Variants in ITGA9 observed in about 807,000 individuals in gnomAD.
The protein encoded by ITGA9 is integrin subunit alpha 9, also known as integrin alpha-9.
In ITGA9, 56 loss-of-function variants were observed where a neutral mutation model predicts 127.8. The observed-to-expected ratio is 0.44, with a 90% CI of 0.35 to 0.55. ITGA9 has a LOEUF of 0.55. Among genes scored for constraint, ITGA9 ranks in the 20% least tolerant of loss-of-function variants. The probability of loss-of-function intolerance (pLI) is 0.00; values close to 1 mark genes in which losing one functional copy is unlikely to be tolerated. For missense variants in ITGA9, 1,196 were observed against 1,347.1 expected (o/e 0.89, Z 1.76); for synonymous variants, 508 against 514.5 (o/e 0.99, Z 0.17).
chr3:37,671,759 A>G (rs1700639071), intron 17 of ITGA9, among the ~76,000 whole-genome samples: 1 of 152,178 alleles, frequency 6.6e-6, no homozygotes, highest in Non-Finnish European at 1.5e-5. Flanking sequence ...TCTGGAGTTA[A>G]TAACCATATG....
chr3:37,722,368 G>C (rs187652902), intron 18 of ITGA9, among the ~76,000 whole-genome samples: 33 of 152,300 alleles, frequency 2.2e-4, no homozygotes, highest in Admixed American at 1.2e-3. Flanking sequence ...CAGTGGGTTT[G>C]AGTATATTTT....
At chr3:37,566,535 G>T (rs1028228504) in intron 15 of ITGA9, among the ~76,000 whole-genome samples, 3 of 152,202 alleles carry the variant, frequency 2.0e-5, no homozygotes, top group Admixed American at 6.5e-5. Context: ...TTTTAAAAGA[G>T]TGCTCAACTC....
At chr3:37,765,311 A>G (rs1315580335) in intron 23 of ITGA9, among the ~76,000 whole-genome samples, 1 of 152,154 alleles carries the variant, frequency 6.6e-6, no homozygotes, top group East Asian at 1.9e-4. Context: ...TTTTGAAATA[A>G]GAGATTGAAT....
intron 1 of ITGA9, among the ~76,000 whole-genome samples, chr3:37,457,160 T>C (rs1698269139): frequency 6.6e-6 from 1 of 152,228 alleles, no homozygotes; most frequent in Non-Finnish European, 1.5e-5. Flanking sequence ...CTAAAAATTA[T>C]TGCCTGCTGA....
intron 15 of ITGA9, among the ~76,000 whole-genome samples, chr3:37,588,417 CT>C (rs1699780752): frequency 1.3e-5 from 2 of 152,094 alleles, no homozygotes; most frequent in African/African-American, 4.8e-5. Context: ...CGTCCACCCC[CT>C]CCCCACAGAG....
At chr3:37,476,333 C>A (rs984601074) in intron 3 of ITGA9, among the ~76,000 whole-genome samples, 2 of 152,126 alleles carry the variant, frequency 1.3e-5, no homozygotes, top group Non-Finnish European at 2.9e-5. Context: ...AATGGCTCCA[C>A]GTCCTTGCCA....
At chr3:37,732,528 C>G (rs993267764) in intron 18 of ITGA9, among the ~76,000 whole-genome samples, 184 bp from the exon 19 acceptor site, 5 of 152,094 alleles carry the variant, frequency 3.3e-5, no homozygotes, top group Admixed American at 3.3e-4. Context: ...ACCTGTCTTC[C>G]CAGGGAACCC....
At chr3:37,615,745 T>C (rs1183762625) in intron 15 of ITGA9, among the ~76,000 whole-genome samples, 1 of 152,248 alleles carries the variant, frequency 6.6e-6, no homozygotes, top group Admixed American at 6.5e-5. Flanking sequence ...TTTTCTAGTT[T>C]ATTTGCGTAG....
intron 12 of ITGA9, among the ~76,000 whole-genome samples, chr3:37,525,331 G>C (rs116307892): frequency 0.037 from 5,635 of 152,038 alleles, 310 homozygotes; most frequent in South Asian, 0.2. Flanking sequence ...TAAATCTAGT[G>C]GGTACTTAAT....
rs141722125 is a variant in ITGA9, at chr3:37,813,724, A to G, written c.3010-5167A>G. ...TATTTTTTCTGTTCTTGATGAGGTAATCAGGCAGTCTCTATGTTACATGAG... is the reference window on the plus strand; with the variant it reads ...TATTTTTTCTGTTCTTGATGAGGTAGTCAGGCAGTCTCTATGTTACATGAG... On this transcript the variant is annotated intron_variant, in intron 27 of 27. Coordinates refer to ENST00000264741, the MANE Select transcript of ITGA9 (RefSeq NM_002207.3). Among the ~76,000 whole-genome samples the G allele has an allele frequency of 5.3e-3, 800 of 152,236 alleles. 1 individual carries two copies. The highest frequency in any genetic ancestry group is 8.9e-3 in the South Asian group (43 of 4,824).
chr3:37,459,302 T>G (rs1698292875), intron 1 of ITGA9, among the ~76,000 whole-genome samples: 1 of 152,236 alleles, frequency 6.6e-6, no homozygotes, highest in African/African-American at 2.4e-5. Flanking sequence ...TTGGGTTGCT[T>G]ATAAATGACA....
At chr3:37,565,463 G>T (rs1699536670) in intron 15 of ITGA9, among the ~76,000 whole-genome samples, 1 of 152,224 alleles carries the variant, frequency 6.6e-6, no homozygotes, top group Admixed American at 6.5e-5. Context: ...TGCCATATAT[G>T]CTATGCAGCC....
intron 15 of ITGA9, among the ~76,000 whole-genome samples, chr3:37,552,736 C>G (rs2125595535): frequency 6.6e-6 from 1 of 152,192 alleles, no homozygotes. Flanking sequence ...TATTTTGGGC[C>G]AGGTGTGGTG....
chr3:37,514,951 G>A (rs1698968863), intron 9 of ITGA9, among the ~76,000 whole-genome samples: 1 of 152,122 alleles, frequency 6.6e-6, no homozygotes, highest in African/African-American at 2.4e-5. Context: ...TGTAGCTAAT[G>A]GAGGGTGGGT....
intron 26 of ITGA9, among the ~76,000 whole-genome samples, chr3:37,785,884 C>T (rs1395713326): frequency 6.6e-6 from 1 of 152,126 alleles, no homozygotes; most frequent in African/African-American, 2.4e-5. Flanking sequence ...GTGCAGTTGG[C>T]ACCAAGGCCT....
intron 23 of ITGA9, among the ~76,000 whole-genome samples, chr3:37,765,019 A>G (rs1489640311): frequency 1.3e-5 from 2 of 152,210 alleles, no homozygotes; most frequent in Non-Finnish European, 1.5e-5. Flanking sequence ...CCACCAGATT[A>G]AAAACACCAT....
intron 17 of ITGA9, among the ~76,000 whole-genome samples, chr3:37,674,841 C>A (rs2125658213): frequency 6.6e-6 from 1 of 152,294 alleles, no homozygotes; most frequent in African/African-American, 2.4e-5. Context: ...TGGGATGTCT[C>A]CTTGTGACAG....
At chr3:37,465,714 G>A (rs1698362824) in intron 1 of ITGA9, among the ~76,000 whole-genome samples, 1 of 152,192 alleles carries the variant, frequency 6.6e-6, no homozygotes, top group Non-Finnish European at 1.5e-5. Context: ...CTGATGGGGA[G>A]GGGAAGGTCT....
intron 18 of ITGA9, among the ~76,000 whole-genome samples, chr3:37,694,962 G>A (rs1453039540): frequency 2.6e-5 from 4 of 152,194 alleles, no homozygotes; most frequent in African/African-American, 9.7e-5. Flanking sequence ...GTGTTTCCGG[G>A]GGAAGACAGG....
Sources: allele counts gnomAD v4.1 joint callset (sites outside exome capture counted in the v4.1 genomes callset), GRCh38; gene constraint gnomAD v4.1.1; transcripts MANE v1.5; gene names NCBI Gene and HGNC (gene_info 2026-07-23, HGNC 2026-07-21).